The following POU2AF1 variants were observed in gnomAD, a reference collection of about 807,000 sequenced individuals.
The protein encoded by POU2AF1 is POU class 2 homeobox associating factor 1, also known as POU domain class 2-associating factor 1.
POU2AF1 carries 12 observed loss-of-function variants against 26.3 expected under a neutral mutation model. That is an observed-to-expected ratio of 0.46 (90% CI 0.29 to 0.74). POU2AF1 has a LOEUF of 0.74. Ranked by LOEUF, POU2AF1 falls within the 30% of genes least tolerant of loss-of-function variation. The probability of loss-of-function intolerance (pLI) is 0.09; values close to 1 mark genes in which losing one functional copy is unlikely to be tolerated. For synonymous variants in POU2AF1, 175 were observed against 148.0 expected (o/e 1.18, Z -1.32); for missense variants, 297 against 334.5 (o/e 0.89, Z 0.87).
chr11:111,357,883 A>C, intron 2 of POU2AF1, 46 bp from the exon 3 acceptor site: 1 of 1,549,848 alleles, frequency 6.5e-7, no homozygotes, highest in South Asian at 1.2e-5. Flanking sequence ...AGCCCTCGTC[A>C]ACCGGCCCTG....
intron 4 of POU2AF1, among the ~76,000 whole-genome samples, chr11:111,357,115 G>A (rs970818800): frequency 2.0e-5 from 3 of 146,852 alleles, no homozygotes; most frequent in Admixed American, 6.8e-5. Context: ...TGTAGATCTC[G>A]CCTGGTGCCA....
chr11:111,368,550 G>C (rs957136514), intron 1 of POU2AF1, among the ~76,000 whole-genome samples: 5 of 152,134 alleles, frequency 3.3e-5, no homozygotes, highest in Non-Finnish European at 7.3e-5. Context: ...AATCTGCAGA[G>C]GCTTTTGTGC....
In POU2AF1 at chr11:111,353,128, G is replaced by C. The variant is rs956107342; in HGVS notation, c.*1133C>G. On this transcript the variant is annotated 3_prime_UTR_variant, in exon 5 of 5. Coordinates refer to ENST00000393067, the MANE Select transcript of POU2AF1 (RefSeq NM_006235.3). ...CACCTTTAGGCTTAATGGGGTCTTG[G>C]CCTCCACAGCACCAGCAGAGGGCCT... The C allele has an allele frequency of 1.7e-5, 4 of 231,566 alleles. No homozygotes were observed. The highest frequency in any genetic ancestry group is 8.9e-5 in the African/African-American group (4 of 45,186). 14.3% of individuals were successfully genotyped at this position (231,566 alleles called of 1,614,324 possible).
chr11:111,366,987 T>A (rs1285863978), intron 1 of POU2AF1, among the ~76,000 whole-genome samples: 1 of 152,084 alleles, frequency 6.6e-6, no homozygotes, highest in Non-Finnish European at 1.5e-5. Flanking sequence ...ACCTGAGCAT[T>A]TACACCCTAA....
In POU2AF1 at chr11:111,354,127, G is replaced by A; in HGVS notation, c.*134C>T. 1.0e-6 allele frequency: 1 copy of A among 959,158 alleles called. No individual in the cohort carries two copies. The highest frequency in any genetic ancestry group is 1.5e-6 in the Non-Finnish European group (1 of 652,146). 59.4% of individuals were successfully genotyped at this position (959,158 alleles called of 1,614,324 possible). ...GGAAGAAGGGAAGGAAGGTTTACAGGTCTACAATTCTAGCTGTGCGTAGAA... is the reference window on the plus strand; with the variant it reads ...GGAAGAAGGGAAGGAAGGTTTACAGATCTACAATTCTAGCTGTGCGTAGAA... On this transcript the variant is annotated 3_prime_UTR_variant, in exon 5 of 5. Coordinates refer to ENST00000393067, the MANE Select transcript of POU2AF1 (RefSeq NM_006235.3).
At chr11:111,358,170 T>C (rs1860890946) in intron 2 of POU2AF1, among the ~76,000 whole-genome samples, 1 of 152,010 alleles carries the variant, frequency 6.6e-6, no homozygotes, top group Non-Finnish European at 1.5e-5. Context: ...CCCTGATCCC[T>C]CATCCCAGTT....
intron 1 of POU2AF1, among the ~76,000 whole-genome samples, chr11:111,376,165 T>C (rs976418966): frequency 2.0e-5 from 3 of 152,220 alleles, no homozygotes; most frequent in African/African-American, 7.2e-5. Context: ...GGAAACTTGC[T>C]ATCATTTTAC....
chr11:111,356,699 T>G (rs575265249), intron 4 of POU2AF1, among the ~76,000 whole-genome samples: 1 of 152,358 alleles, frequency 6.6e-6, no homozygotes, highest in East Asian at 1.9e-4. Context: ...AAGCCCTTGG[T>G]TAATGTTAGC....
intron 1 of POU2AF1, among the ~76,000 whole-genome samples, chr11:111,368,909 C>T (rs1388669228): frequency 6.6e-6 from 1 of 152,254 alleles, no homozygotes; most frequent in Non-Finnish European, 1.5e-5. Context: ...TCCTTGATCT[C>T]AGCCAACAAT....
intron 2 of POU2AF1, among the ~76,000 whole-genome samples, chr11:111,358,342 A>G (rs988318579): frequency 5.0e-5 from 4 of 79,820 alleles, no homozygotes; most frequent in South Asian, 9.1e-4. Context: ...ACACTCTCAC[A>G]CTCTCACACT....
In POU2AF1 at chr11:111,354,454, T is replaced by A; in HGVS notation, c.578A>T (p.Tyr193Phe). 1 of 1,613,520 alleles carries A rather than the reference T, an allele frequency of 6.2e-7. No individual in the cohort carries two copies. Reference sequence around the variant, plus strand: ...AGGTAGGGCTGGGGCCGGAGGCTGGTACTGCAGGGTGGAGGTGGGTAGTGT... The same window carrying A: ...AGGTAGGGCTGGGGCCGGAGGCTGGAACTGCAGGGTGGAGGTGGGTAGTGT... ...LSTLPTSTLQ[Y>F]QPPAPALPGP... Residue 193 changes from tyrosine (Y) to phenylalanine (F), a missense_variant, in exon 5 of 5, where the codon TAC becomes TTC. Physicochemically the swap from Tyr to Phe is conservative, Grantham distance 22 (BLOSUM62 3). Coordinates refer to ENST00000393067, the MANE Select transcript of POU2AF1 (RefSeq NM_006235.3).
At chr11:111,359,132 T>C (rs553925182) in intron 1 of POU2AF1, 55 of 750,064 alleles carry the variant, frequency 7.3e-5, no homozygotes, top group Middle Eastern at 7.9e-4. Flanking sequence ...AAGGCCCAGC[T>C]CCTTGTCCTA....
intron 1 of POU2AF1, among the ~76,000 whole-genome samples, chr11:111,377,132 G>T (rs1335628933): frequency 2.0e-5 from 3 of 151,742 alleles, no homozygotes; most frequent in Admixed American, 2.0e-4. Flanking sequence ...ACCTGTTTGG[G>T]AGGTCAAAGC....
Position 111,354,378 on chromosome 11 carries a change from C to T in POU2AF1, c.654G>A (p.Gln218=), listed in dbSNP as rs772279135. The T allele has an allele frequency of 6.8e-6, 11 of 1,614,084 alleles. No homozygotes were observed. Among genetic ancestry groups the T allele is most frequent in the Non-Finnish European group, 8.5e-6 (10 of 1,180,042 alleles). The change falls in exon 5 of 5, where the codon CAG becomes CAA. Residue 218 remains glutamine (Q), a synonymous_variant. Transcript: ENST00000393067. ...LPISIPEPVL[Q]DMEDPRRAAS... is the part of the protein sequence containing the mutation. The stretch of plus-strand genomic sequence containing the variant: ...CGGCTCTTCTGGGGTCTTCCATGTC[C>T]TGAAGGACTGGCTCTGGGATAGAGA...
In POU2AF1 at chr11:111,357,496, C is replaced by A. The variant is rs1236283832; in HGVS notation, c.405G>T (p.Gly135=). The part of the protein sequence containing the change: ...QPVCPSYTVV[G]PSSVLTYASP... ...AGGCATAGGTCAACACTGAGGAGGG[C>A]CCCACCACCGTGTAGCTGGGGCACA... Residue 135 remains glycine, a synonymous_variant, in exon 4 of 5, where the codon GGG becomes GGT. Coordinates refer to ENST00000393067, the MANE Select transcript of POU2AF1 (RefSeq NM_006235.3). 9.9e-6 allele frequency: 16 copies of A among 1,614,082 alleles called. No homozygotes were observed. Among genetic ancestry groups the A allele is most frequent in the Non-Finnish European group, 1.2e-5 (14 of 1,180,014 alleles).
At chr11:111,359,014 G>A in intron 1 of POU2AF1, 96 bp from the exon 2 acceptor site, 1 of 1,506,208 alleles carries the variant, frequency 6.6e-7, no homozygotes, top group Non-Finnish European at 8.8e-7. Context: ...GCTCCCCTAA[G>A]TCGTGCTTGA....
At position 111,358,700 on chromosome 11, in the gene POU2AF1, A is replaced by T. The variant is rs75265238; in HGVS notation, c.147+88T>A. ...CATACACACACGCATACACATACTC[A>T]CACACACATACACTCTCACACTATC... On this transcript the variant is annotated intron_variant, in intron 2 of 4. Coordinates refer to ENST00000393067, the MANE Select transcript of POU2AF1 (RefSeq NM_006235.3). 6,477 of 1,399,504 alleles carry T rather than the reference A, an allele frequency of 4.6e-3. 85 individuals are homozygous for T. The highest frequency in any genetic ancestry group is 7.0e-3 in the Admixed American group (314 of 44,972). 86.7% of individuals were successfully genotyped at this position (1,399,504 alleles called of 1,614,324 possible). A position where few individuals can be genotyped will look rare whatever the true frequency, so the allele number is the denominator to read the frequency against.
intron 2 of POU2AF1, 149 bp from the exon 3 acceptor site, chr11:111,357,986 C>A: frequency 1.2e-6 from 1 of 858,248 alleles, no homozygotes; most frequent in Non-Finnish European, 1.8e-6. Flanking sequence ...GTATCCCAAC[C>A]ATCACCACCT....
chr11:111,358,654 ACACT>A (rs972271418), intron 2 of POU2AF1, 130 bp downstream of exon 2: 58 of 1,122,106 alleles, frequency 5.2e-5, no homozygotes, highest in East Asian at 7.7e-5. Context: ...ACACTCTCAC[ACACT>A]CTATCACACA....
Sources: gnomAD v4.1 joint callset for allele counts (sites outside exome capture counted in the v4.1 genomes callset) on GRCh38, gnomAD v4.1.1 for gene constraint, MANE v1.5 for transcripts, NCBI Gene and HGNC (gene_info 2026-07-23, HGNC 2026-07-21) for gene names.